The following DNAJC13 variants were observed in gnomAD, a reference collection of about 807,000 sequenced individuals.
The protein encoded by DNAJC13 is dnaJ homolog subfamily C member 13.
In DNAJC13, 75 loss-of-function variants were observed where a neutral mutation model predicts 290.5. The ratio of observed to expected loss-of-function variants is 0.26; its 90% CI spans 0.21 to 0.31. DNAJC13 has a LOEUF of 0.31. Ranked by LOEUF, DNAJC13 falls within the 10% of genes least tolerant of loss-of-function variation. The probability of loss-of-function intolerance (pLI) is 1.00; values close to 1 mark genes in which losing one functional copy is unlikely to be tolerated. For missense variants in DNAJC13, 2,260 were observed against 2,674.5 expected, an observed-to-expected ratio of 0.85 and a Z score of 3.42; for synonymous variants, 862 against 892.0, an observed-to-expected ratio of 0.97 and a Z score of 0.60.
chr3:132,435,879 TGTAA>T (rs1939371871), intron 2 of DNAJC13, among the ~76,000 whole-genome samples: 1 of 152,230 alleles, frequency 6.6e-6, no homozygotes, highest in Admixed American at 6.5e-5. Flanking sequence ...TTTGTGAGCT[TGTAA>T]GTAACTGTGA....
chr3:132,479,599 C>G (rs1014805941), intron 25 of DNAJC13, among the ~76,000 whole-genome samples: 1 of 151,972 alleles, frequency 6.6e-6, no homozygotes, highest in African/African-American at 2.4e-5. Context: ...TTTAGGGACT[C>G]TTTAGGGTTA....
chr3:132,454,605 G>T (rs1245681173), intron 9 of DNAJC13, among the ~76,000 whole-genome samples: 1 of 151,984 alleles, frequency 6.6e-6, no homozygotes, highest in Non-Finnish European at 1.5e-5. Context: ...CTCCCAAAGT[G>T]CTGGGATTAT....
intron 29 of DNAJC13, among the ~76,000 whole-genome samples, chr3:132,487,645 G>A (rs1034962991): frequency 6.8e-5 from 10 of 146,714 alleles, no homozygotes; most frequent in African/African-American, 1.0e-4. Context: ...AAATTGGAAC[G>A]ACACCTTTAT....
chr3:132,469,809 A>G (rs1435263156), intron 20 of DNAJC13, among the ~76,000 whole-genome samples: 4 of 151,440 alleles, frequency 2.6e-5, no homozygotes, highest in Non-Finnish European at 5.9e-5. Flanking sequence ...TTTTCTTTCT[A>G]TGTCGTCTAG....
In DNAJC13 at chr3:132,496,429, A is replaced by G. The variant is rs556135543; in HGVS notation, c.4021-99A>G. 2.7e-4 allele frequency: 302 copies of G among 1,104,140 alleles called. 1 individual carries two copies. In the African/African-American group the frequency reaches 4.4e-3, roughly 16 times the overall value. 68.4% of individuals were successfully genotyped at this position (1,104,140 alleles called of 1,614,324 possible). On this transcript the variant is annotated intron_variant, in intron 35 of 55. Coordinates refer to ENST00000260818, the MANE Select transcript of DNAJC13 (RefSeq NM_015268.4). ...ATACCTTAATATAAACAATAAAATA[A>G]TAGCTAAAGTTACTGATAAAATGCA...
chr3:132,513,078 A>C lies in DNAJC13; in HGVS notation c.5364A>C (p.Gln1788His). Residue 1788 changes from glutamine (Q) to histidine (H), a missense_variant, in exon 45 of 56, where the codon CAA becomes CAC. Transcript: ENST00000260818. ...FSLLRVHGAG[Q>H]VQQLALEVVN... ...TTCTCCGAGTTCATGGAGCTGGTCA[A>C]GTGCAGCAGTTGGCTTTAGAGGTAA... The C allele has an allele frequency of 6.2e-7, 1 of 1,613,398 alleles. No homozygotes were observed.
intron 16 of DNAJC13, among the ~76,000 whole-genome samples, chr3:132,462,965 A>G (rs1933852242): frequency 6.6e-6 from 1 of 152,212 alleles, no homozygotes; most frequent in South Asian, 2.1e-4. Context: ...TAGAGATTGG[A>G]GCATGATCTT....
Position 132,502,408 on chromosome 3 carries a change from T to G in DNAJC13, c.4656T>G (p.Phe1552Leu). 1 of 1,614,096 alleles carries G rather than the reference T, an allele frequency of 6.2e-7. No homozygotes were observed. The highest frequency in any genetic ancestry group is 8.5e-7 in the Non-Finnish European group (1 of 1,179,980). The change falls in exon 40 of 56, where the codon TTT becomes TTG. Residue 1552 changes from phenylalanine (F) to leucine (L), a missense_variant. Around this residue, in one of 3 missense-constraint regions of DNAJC13, gnomAD observed 1,494 missense variants for 1,693.7 expected, o/e 0.88. Transcript: ENST00000260818. ...GILWYLLGFL[F>L]NYDYTLEESG... ...TGTGGTATCTCCTTGGTTTTCTGTT[T>G]AATTATGACTACACACTAGAAGAGA... is the stretch of plus-strand genomic sequence containing the variant.
intron 44 of DNAJC13, 81 bp downstream of exon 44, chr3:132,511,325 A>C: frequency 6.7e-7 from 1 of 1,484,348 alleles, no homozygotes; most frequent in Non-Finnish European, 9.2e-7. Context: ...TTATCAGGGA[A>C]ACTCAGGGAA....
At chr3:132,471,626 G>A (rs1224601111) in intron 20 of DNAJC13, among the ~76,000 whole-genome samples, 5 of 134,942 alleles carry the variant, frequency 3.7e-5, no homozygotes, top group East Asian at 2.2e-4. Context: ...GGGCAGAGGC[G>A]CTCCCCACAT....
chr3:132,453,365 T>C lies in DNAJC13; in HGVS notation c.605T>C (p.Ile202Thr), dbSNP rs755168699. 2 of 1,613,928 alleles carry C rather than the reference T, an allele frequency of 1.2e-6. No individual in the cohort carries two copies. The highest frequency in any genetic ancestry group is 8.5e-7 in the Non-Finnish European group (1 of 1,179,914). Residue 202 changes from isoleucine to threonine, a missense_variant, in exon 7 of 56, where the codon ATA (isoleucine) becomes ACA (threonine). This residue lies in a region of DNAJC13 where 762 missense variants were observed against 964.1 expected (regional missense o/e 0.79). Transcript: ENST00000260818. ...KSAIDHAGNY[I>T]GISLRIRKEP... is the part of the protein sequence containing the mutation. Reference sequence around the variant, plus strand: ...GCAATAGACCATGCTGGTAACTACATAGGTATTTCATTGCGGATCAGGAAA... The same window carrying C: ...GCAATAGACCATGCTGGTAACTACACAGGTATTTCATTGCGGATCAGGAAA...
intron 9 of DNAJC13, 141 bp downstream of exon 9, chr3:132,454,298 G>T (rs1482790907): frequency 2.9e-5 from 15 of 515,088 alleles, no homozygotes; most frequent in South Asian, 5.0e-5. Flanking sequence ...TATTTAAAAT[G>T]ACCCTCCCAT....
intron 2 of DNAJC13, among the ~76,000 whole-genome samples, chr3:132,435,504 C>T (rs1309179565): frequency 1.3e-5 from 2 of 152,188 alleles, no homozygotes; most frequent in Admixed American, 1.3e-4. Flanking sequence ...TCTAGTATTT[C>T]TGGTTTGCAT....
At position 132,450,812 on chromosome 3, in the gene DNAJC13, G is replaced by A; in HGVS notation, c.502G>A (p.Gly168Arg). The A allele has an allele frequency of 1.3e-6, 2 of 1,596,206 alleles. No individual in the cohort carries two copies. The highest frequency in any genetic ancestry group is 1.7e-6 in the Non-Finnish European group (2 of 1,166,570). Residue 168 changes from glycine to arginine, a missense_variant, in exon 6 of 56, where the codon GGA becomes AGA. Transcript: ENST00000260818. ...GFVDLSDYQG[G>R]FCILYGGFSR... ...TGTAGATCTCTCAGATTATCAAGGAGGATTTTGTATACTTTATGGAGGATT... is the reference window on the plus strand; with the variant it reads ...TGTAGATCTCTCAGATTATCAAGGAAGATTTTGTATACTTTATGGAGGATT...
At chr3:132,440,330 T>G (rs1455599267) in intron 2 of DNAJC13, among the ~76,000 whole-genome samples, 4 of 152,260 alleles carry the variant, frequency 2.6e-5, no homozygotes, top group Non-Finnish European at 2.9e-5. Flanking sequence ...TACTGGAGTT[T>G]TGGGATTCCC....
chr3:132,496,909 T>C (rs1280352238), intron 36 of DNAJC13, among the ~76,000 whole-genome samples: 1 of 152,258 alleles, frequency 6.6e-6, no homozygotes, highest in Non-Finnish European at 1.5e-5. Flanking sequence ...ATCTTCGCTC[T>C]GTGGAGTTAC....
Position 132,538,500 on chromosome 3 carries a change from A to ATT in DNAJC13, c.*227_*228dup. 3 of 389,036 alleles carry ATT rather than the reference A, an allele frequency of 7.7e-6. No individual in the cohort carries two copies. The highest frequency in any genetic ancestry group is 4.5e-6 in the Non-Finnish European group (1 of 219,954). The allele number at this position is 389,036 out of a possible 1,614,324, so 24.1% of individuals were successfully genotyped here. On this transcript the variant is annotated 3_prime_UTR_variant, in exon 56 of 56. Coordinates refer to ENST00000260818, the MANE Select transcript of DNAJC13 (RefSeq NM_015268.4). ...GATCAACATAAGTGGGTACACAAGAATTTTTTTTTTCTTGGTGTATGTAAG... is the reference window on the plus strand; with the variant it reads ...GATCAACATAAGTGGGTACACAAGAATTTTTTTTTTTTCTTGGTGTATGTAAG...
chr3:132,517,509 A>G (rs561825372), intron 48 of DNAJC13, among the ~76,000 whole-genome samples: 5 of 152,184 alleles, frequency 3.3e-5, no homozygotes, highest in African/African-American at 1.2e-4. Flanking sequence ...TAGGGAGAAC[A>G]TGAAATAAAG....
intron 46 of DNAJC13, chr3:132,514,919 G>A (rs1473936390): frequency 2.5e-5 from 5 of 203,548 alleles, no homozygotes; most frequent in African/African-American, 9.6e-5. Context: ...TTTTCAGTTT[G>A]TTGAGATCTA....
Sources: allele counts gnomAD v4.1 joint callset (sites outside exome capture counted in the v4.1 genomes callset), GRCh38; gene constraint gnomAD v4.1.1; regional missense constraint gnomAD v4.1.1; transcripts MANE v1.5; gene names NCBI Gene and HGNC (gene_info 2026-07-23, HGNC 2026-07-21).